Variants in KCNMA1 observed in about 807,000 individuals in gnomAD.
KCNMA1 encodes the protein Calcium-activated potassium channel subunit alpha-1.
A neutral mutation model predicts 140.0 loss-of-function variants in KCNMA1; 29 were observed. The ratio of observed to expected loss-of-function variants is 0.21; its 90% confidence interval spans 0.15 to 0.28. KCNMA1 has a LOEUF of 0.28. KCNMA1 is among the 10% of genes least tolerant of loss of function. The pLI, the probability that KCNMA1 is intolerant of heterozygous loss-of-function variation, is 1.00. For missense variants in KCNMA1, 880 were observed against 1,602.2 expected, an observed-to-expected ratio of 0.55 and a Z score of 7.70; for synonymous variants, 612 against 611.9, an observed-to-expected ratio of 1.00 and a Z score of 0.00.
chr10:77,538,190 ACT>A (rs894743891), intron 1 of KCNMA1, among the ~76,000 whole-genome samples: 1 of 151,560 alleles, frequency 6.6e-6, no homozygotes, highest in Non-Finnish European at 1.5e-5. Flanking sequence ...CACTAGACAC[ACT>A]CATACTCACA....
intron 1 of KCNMA1, among the ~76,000 whole-genome samples, chr10:77,601,635 G>A (rs1188409852): frequency 2.0e-5 from 3 of 152,194 alleles, no homozygotes; most frequent in Non-Finnish European, 2.9e-5. Flanking sequence ...CAAGACAGGA[G>A]TCAGCAAGAC....
At chr10:77,052,960 A>G (rs2095423797) in intron 14 of KCNMA1, among the ~76,000 whole-genome samples, 1 of 152,232 alleles carries the variant, frequency 6.6e-6, no homozygotes, top group Non-Finnish European at 1.5e-5. Flanking sequence ...AAGTATTCAA[A>G]GTAATCTCAA....
intron 14 of KCNMA1, among the ~76,000 whole-genome samples, chr10:77,072,591 A>G (rs2096254158): frequency 6.6e-6 from 1 of 152,126 alleles, no homozygotes; most frequent in Non-Finnish European, 1.5e-5. Context: ...TTCGCTCTCC[A>G]TTCAAACAAC....
intron 1 of KCNMA1, among the ~76,000 whole-genome samples, chr10:77,514,516 C>T (rs2049619226): frequency 1.3e-5 from 2 of 152,160 alleles, no homozygotes; most frequent in Non-Finnish European, 2.9e-5. Flanking sequence ...GAGGCAGATT[C>T]CCAACGCAGT....
intron 2 of KCNMA1, among the ~76,000 whole-genome samples, chr10:77,285,440 T>A (rs1188043686): frequency 6.6e-6 from 1 of 152,172 alleles, no homozygotes; most frequent in Non-Finnish European, 1.5e-5. Flanking sequence ...AAAGTAGGAA[T>A]TTCAAGAACA....
Position 77,039,545 on chromosome 10 carries a change from G to T in KCNMA1, c.1842C>A (p.Ser614=). 6.2e-7 allele frequency: 1 copy of T among 1,603,430 alleles called. No homozygotes were observed. The highest frequency in any genetic ancestry group is 8.5e-7 in the Non-Finnish European group (1 of 1,170,198). The part of the protein sequence containing the change: ...EYLSSAFVGL[S]FPTVCELCFV... ...TCACTTACTCACAAACAGTAGGGAAGGACAGACCCACGAAGGCACTGGAGA... is the reference window on the plus strand; with the variant it reads ...TCACTTACTCACAAACAGTAGGGAATGACAGACCCACGAAGGCACTGGAGA... Residue 614 remains serine, a synonymous_variant, in exon 15 of 28, where the codon TCC becomes TCA. Transcript: ENST00000286628.
intron 5 of KCNMA1, among the ~76,000 whole-genome samples, chr10:77,132,428 A>T (rs1050905099): frequency 6.6e-6 from 1 of 152,130 alleles, no homozygotes. Context: ...AATAGAGAAC[A>T]GGAAACATTT....
intron 15 of KCNMA1, among the ~76,000 whole-genome samples, chr10:77,037,825 G>A (rs1406110134): frequency 2.6e-5 from 4 of 152,116 alleles, no homozygotes; most frequent in Non-Finnish European, 2.9e-5. Context: ...TTCCCCCGGG[G>A]CTTTGTATCC....
chr10:77,450,244 T>C (rs946125015), intron 1 of KCNMA1, among the ~76,000 whole-genome samples: 7 of 150,778 alleles, frequency 4.6e-5, no homozygotes, highest in Non-Finnish European at 1.0e-4. Flanking sequence ...TTAGTAGAGA[T>C]GGGGTTTTGC....
At chr10:77,119,726 T>TAAATTCTTATCATTAG (rs1437020977) in intron 6 of KCNMA1, among the ~76,000 whole-genome samples, 6 of 152,188 alleles carry the variant, frequency 3.9e-5, no homozygotes, top group African/African-American at 1.4e-4. Flanking sequence ...AGAGGACTGA[T>TAAATTCTTATCATTAG]AAATTCTTAT....
At chr10:76,894,115 G>A (rs189653570) in intron 25 of KCNMA1, among the ~76,000 whole-genome samples, 1 of 152,116 alleles carries the variant, frequency 6.6e-6, no homozygotes, top group Admixed American at 6.5e-5. Flanking sequence ...GATAGTAATG[G>A]CATAGGATAG....
chr10:77,321,328 T>A (rs1417862607), intron 2 of KCNMA1, among the ~76,000 whole-genome samples: 1 of 152,226 alleles, frequency 6.6e-6, no homozygotes, highest in Non-Finnish European at 1.5e-5. Context: ...CATTCTCAAG[T>A]AAGCGACTTC....
chr10:77,617,454 G>A (rs1022507018), intron 1 of KCNMA1, among the ~76,000 whole-genome samples: 35 of 152,224 alleles, frequency 2.3e-4, no homozygotes, highest in African/African-American at 8.4e-4. Context: ...GAAGCAGGGA[G>A]GCAGTTATGC....
rs915235755 is a variant in KCNMA1, at chr10:77,119,121, C to T, written c.884+1852G>A. Among the ~76,000 whole-genome samples, 4 of 152,220 alleles carry T rather than the reference C, an allele frequency of 2.6e-5. No individual in the cohort carries two copies. The East Asian group carries it at 5.8e-4, about 22-fold the overall frequency. On this transcript the variant is annotated intron_variant, in intron 6 of 27. Transcript: ENST00000286628. The stretch of plus-strand genomic sequence containing the variant: ...CCCTGGCTGGCTGCTTCAGCTTCCC[C>T]GCTCTGCACTGAGAGAGGCAGCACT...
chr10:76,993,899 C>T (rs1478085010), intron 19 of KCNMA1, among the ~76,000 whole-genome samples: 1 of 152,242 alleles, frequency 6.6e-6, no homozygotes, highest in Non-Finnish European at 1.5e-5. Flanking sequence ...AATTGGGTGG[C>T]CAGCTGCTGT....
chr10:76,972,672 T>C (rs2076397042), intron 19 of KCNMA1, among the ~76,000 whole-genome samples: 1 of 152,190 alleles, frequency 6.6e-6, no homozygotes, highest in African/African-American at 2.4e-5. Flanking sequence ...GCATTTAAAG[T>C]GGGATTTGTT....
chr10:76,944,941 A>G lies in KCNMA1; in HGVS notation c.2734T>C (p.Leu912=), dbSNP rs751069738. 2 of 1,614,032 alleles carry G rather than the reference A, an allele frequency of 1.2e-6. No individual in the cohort carries two copies. The highest frequency in any genetic ancestry group is 1.7e-6 in the Non-Finnish European group (2 of 1,179,998). Residue 912 remains leucine, a synonymous_variant, in exon 23 of 28, where the codon TTA becomes CTA. Transcript: ENST00000286628. ...LPGTPLSRAD[L]RAVNINLCDM... Reference sequence around the variant, plus strand: ...CAGAGGTTGATGTTGACAGCCCTTAAATCAGCCCGACTTAATGGCGTACCC... The same window carrying G: ...CAGAGGTTGATGTTGACAGCCCTTAGATCAGCCCGACTTAATGGCGTACCC...
intron 1 of KCNMA1, among the ~76,000 whole-genome samples, chr10:77,551,372 G>A (rs2154557035): frequency 6.6e-6 from 1 of 152,296 alleles, no homozygotes; most frequent in South Asian, 2.1e-4. Context: ...CTGAGCCATG[G>A]TGGGAAGATA....
intron 2 of KCNMA1, chr10:77,355,148 T>C (rs2093359229): frequency 6.4e-6 from 1 of 156,402 alleles, no homozygotes. Context: ...ATCCTCCTCA[T>C]TTTTATCTTG....
Sources: gnomAD v4.1 joint callset for allele counts (sites outside exome capture counted in the v4.1 genomes callset) on GRCh38, gnomAD v4.1.1 for gene constraint, MANE v1.5 for transcripts, NCBI Gene and HGNC (gene_info 2026-07-23, HGNC 2026-07-21) for gene names.